Variants in RAG1 observed in about 807,000 individuals in gnomAD.
RAG1 encodes V(D)J recombination-activating protein 1.
Under a neutral mutation model 62.7 loss-of-function variants are expected in RAG1, and 35 were observed. The observed-to-expected ratio is 0.56, with a 90% CI of 0.43 to 0.74. The LOEUF is 0.74. RAG1 is among the 30% of genes least tolerant of loss of function. The pLI, the probability that RAG1 is intolerant of heterozygous loss-of-function variation, is 0.00. For missense variants in RAG1, 1,169 were observed against 1,278.6 expected (o/e 0.91, Z 1.31); for synonymous variants, 461 against 470.3 (o/e 0.98, Z 0.26).
rs1850811962 is a variant in RAG1, at chr11:36,574,747, C to T, written c.1443C>T (p.Cys481=). 8.7e-6 allele frequency: 14 copies of T among 1,614,258 alleles called. No homozygotes were observed. The highest frequency in any genetic ancestry group is 1.2e-5 in the Non-Finnish European group (14 of 1,180,046). The change falls in exon 2 of 2, where the codon TGC becomes TGT. Residue 481 remains cysteine (C), a synonymous_variant. Coordinates refer to ENST00000299440, the MANE Select transcript of RAG1 (RefSeq NM_000448.3). ...LAIRVNTFLS[C]SQYHKMYRTV... ...TCCGTGTCAACACCTTCCTCAGCTG[C>T]AGTCAGTACCACAAGATGTACAGGA...
At chr11:36,532,811 G>A (rs181216727) in intron 2 of RAG1, among the ~76,000 whole-genome samples, 1 of 152,178 alleles carries the variant, frequency 6.6e-6, no homozygotes, top group South Asian at 2.1e-4. Context: ...GAGAGAGAGA[G>A]AGAGAGACAG....
downstream of RAG1, among the ~76,000 whole-genome samples, chr11:36,538,557 T>C (rs116095350): frequency 0.024 from 3,668 of 152,298 alleles, 136 homozygotes; most frequent in African/African-American, 0.084. Flanking sequence ...TTTTAGATGG[T>C]AAAACAAATA....
At chr11:36,518,109 G>A (rs142675585) in intron 1 of RAG1, among the ~76,000 whole-genome samples, 195 of 150,582 alleles carry the variant, frequency 1.3e-3, no homozygotes, top group African/African-American at 4.2e-3. Context: ...TTGTCCTTGC[G>A]ATAGTTTGCT....
intron 3 of RAG1, among the ~76,000 whole-genome samples, chr11:36,560,487 C>A (rs1336050213): frequency 6.6e-6 from 1 of 152,112 alleles, no homozygotes; most frequent in East Asian, 1.9e-4. Flanking sequence ...GATGGCAGGG[C>A]TCCAGGTATG....
At chr11:36,558,916 C>G (rs1189127280) in intron 3 of RAG1, among the ~76,000 whole-genome samples, 1 of 152,116 alleles carries the variant, frequency 6.6e-6, no homozygotes, top group African/African-American at 2.4e-5. Context: ...TCTTTCGCAT[C>G]TGTGTATCTG....
At chr11:36,513,585 A>G (rs374967658) in intron 1 of RAG1, among the ~76,000 whole-genome samples, 8 of 152,228 alleles carry the variant, frequency 5.3e-5, no homozygotes, top group African/African-American at 1.9e-4. Context: ...TGCCTCATGT[A>G]ACAGTATATT....
At chr11:36,540,628 G>C (rs182424090), downstream of RAG1, among the ~76,000 whole-genome samples, 1 of 152,088 alleles carries the variant, frequency 6.6e-6, no homozygotes, top group African/African-American at 2.4e-5. Context: ...GGATGGTCTC[G>C]ATCTCCTGAC....
At chr11:36,544,727 G>A (rs1290757272) in intron 3 of RAG1, among the ~76,000 whole-genome samples, 1 of 152,192 alleles carries the variant, frequency 6.6e-6, no homozygotes, top group African/African-American at 2.4e-5. Flanking sequence ...GTCTAGAATT[G>A]TAATCCTCAT....
At chr11:36,527,348 C>T (rs1280617807) in intron 2 of RAG1, among the ~76,000 whole-genome samples, 1 of 152,180 alleles carries the variant, frequency 6.6e-6, no homozygotes, top group East Asian at 1.9e-4. Context: ...GGAATCCCTT[C>T]CCCATTGCTT....
At chr11:36,544,698 A>G (rs7938326) in intron 3 of RAG1, among the ~76,000 whole-genome samples, 137,586 of 152,236 alleles carry the variant, frequency 0.9, 62,269 homozygotes, top group East Asian at 1. Context: ...GTCTGGCTAC[A>G]TGTCCTCACC....
chr11:36,544,014 A>T (rs1850354012), intron 3 of RAG1, among the ~76,000 whole-genome samples: 1 of 152,182 alleles, frequency 6.6e-6, no homozygotes, highest in Non-Finnish European at 1.5e-5. Context: ...TCATAGCCCT[A>T]CCTGGTTTCC....
At chr11:36,562,218 A>G (rs1311041020) in intron 3 of RAG1, among the ~76,000 whole-genome samples, 1 of 152,232 alleles carries the variant, frequency 6.6e-6, no homozygotes, top group Non-Finnish European at 1.5e-5. Flanking sequence ...TAAATGAAAG[A>G]TAATTCTAAG....
rs149364682 is a variant in RAG1, at chr11:36,573,398, C to G, written c.94C>G (p.Leu32Val). Residue 32 changes from leucine (L) to valine (V), a missense_variant, in exon 2 of 2, where the codon CTG becomes GTG. Physicochemically the swap from Leu to Val is conservative, Grantham distance 32. Coordinates refer to ENST00000299440, the MANE Select transcript of RAG1 (RefSeq NM_000448.3). Reference protein sequence around the residue: ...HIKFSEWKFKLFRVRSFEKTP... With the variant: ...HIKFSEWKFKVFRVRSFEKTP... ...TAAATTTTCAGAATGGAAATTTAAG[C>G]TGTTCCGGGTGAGATCCTTTGAAAA... 6.8e-5 allele frequency: 110 copies of G among 1,613,952 alleles called. No individual in the cohort carries two copies. The highest frequency in any genetic ancestry group is 9.3e-5 in the Non-Finnish European group (110 of 1,180,024).
At chr11:36,551,344 C>G (rs751970170) in intron 3 of RAG1, among the ~76,000 whole-genome samples, 1 of 152,052 alleles carries the variant, frequency 6.6e-6, no homozygotes, top group Non-Finnish European at 1.5e-5. Flanking sequence ...GCTACCATAA[C>G]AAAGTATCAT....
upstream of RAG1, chr11:36,563,259 A>C (rs1850616526): frequency 6.6e-6 from 1 of 152,258 alleles, no homozygotes; most frequent in Non-Finnish European, 1.5e-5. Flanking sequence ...TGAGTAAAGA[A>C]GATCCACCCT....
intron 3 of RAG1, among the ~76,000 whole-genome samples, chr11:36,543,763 C>T (rs988218507): frequency 6.6e-6 from 1 of 152,176 alleles, no homozygotes; most frequent in Non-Finnish European, 1.5e-5. Flanking sequence ...GGCAAATCAA[C>T]CTTTTTGGGG....
chr11:36,573,195 A>G (rs913007451), intron 1 of RAG1, 96 bp from the exon 2 acceptor site: 1 of 1,211,018 alleles, frequency 8.3e-7, no homozygotes, highest in African/African-American at 1.5e-5. Flanking sequence ...GGAATACATG[A>G]ATAAATAATT....
chr11:36,536,884 G>A (rs1860337793), downstream of RAG1, among the ~76,000 whole-genome samples: 1 of 149,486 alleles, frequency 6.7e-6, no homozygotes, highest in Admixed American at 6.6e-5. Context: ...TCAGCCTCCC[G>A]AGTAGCTGGG....
upstream of RAG1, among the ~76,000 whole-genome samples, chr11:36,567,021 A>G (rs1414469560): frequency 2.0e-5 from 3 of 152,248 alleles, no homozygotes; most frequent in Non-Finnish European, 4.4e-5. Context: ...TCTGAGAATT[A>G]TAAAGGGGTT....
Sources: gnomAD v4.1 joint callset for allele counts (sites outside exome capture counted in the v4.1 genomes callset) on GRCh38, gnomAD v4.1.1 for gene constraint, MANE v1.5 for transcripts, NCBI Gene and HGNC (gene_info 2026-07-23, HGNC 2026-07-21) for gene names.